The following LINGO2 variants were observed in gnomAD, a reference collection of about 807,000 sequenced individuals.
LINGO2 encodes the protein leucine rich repeat and Ig domain containing 2, also known as leucine-rich repeat and immunoglobulin-like domain-containing nogo receptor-interacting protein 2.
In LINGO2, 14 loss-of-function variants were observed where a neutral mutation model predicts 30.6. That is an observed-to-expected ratio of 0.46 (90% CI 0.30 to 0.72). LINGO2 has a LOEUF of 0.72. Among genes scored for constraint, LINGO2 ranks in the 30% least tolerant of loss-of-function variants. LINGO2 has a pLI of 0.07. For missense variants in LINGO2, 729 were observed against 751.7 expected, an observed-to-expected ratio of 0.97 and a Z score of 0.35; for synonymous variants, 317 against 288.5, an observed-to-expected ratio of 1.10 and a Z score of -1.00.
chr9:28,434,080 T>A (rs1012498776), intron 2 of LINGO2, among the ~76,000 whole-genome samples: 1 of 151,690 alleles, frequency 6.6e-6, no homozygotes, highest in Non-Finnish European at 1.5e-5. Context: ...GCCATTATTC[T>A]AAGTGAAGTA....
the LINGO2 span, chr9:28,863,631 C>T: frequency 4.1e-6 from 2 of 486,076 alleles, no homozygotes; most frequent in Non-Finnish European, 8.5e-6. Context: ...ACCTGTGAAG[C>T]ACTATGAATT....
chr9:28,349,259 TA>T (rs1353993266), intron 3 of LINGO2, among the ~76,000 whole-genome samples: 2 of 149,920 alleles, frequency 1.3e-5, no homozygotes, highest in Non-Finnish European at 3.0e-5. Flanking sequence ...GAAAAAAATT[TA>T]GAAGAATGTA....
chr9:29,149,290 A>C, the LINGO2 span, among the ~76,000 whole-genome samples: 7 of 152,168 alleles, frequency 4.6e-5, no homozygotes, highest in South Asian at 1.5e-3. Context: ...GACATTCAAG[A>C]CCAGCCTGGG....
intron 4 of LINGO2, among the ~76,000 whole-genome samples, chr9:28,135,754 A>G (rs2133465927): frequency 6.6e-6 from 1 of 152,182 alleles, no homozygotes; most frequent in Non-Finnish European, 1.5e-5. Context: ...CCTGCAGCTG[A>G]TGAGTCTGAA....
chr9:28,093,312 G>A (rs1826151627), intron 4 of LINGO2, among the ~76,000 whole-genome samples: 1 of 152,106 alleles, frequency 6.6e-6, no homozygotes, highest in South Asian at 2.1e-4. Flanking sequence ...TCATTACCAA[G>A]AGCATTAGTG....
At chr9:28,924,620 T>C in the LINGO2 span, among the ~76,000 whole-genome samples, 1 of 152,296 alleles carries the variant, frequency 6.6e-6, no homozygotes, top group Admixed American at 6.5e-5. Flanking sequence ...TTCCATACAG[T>C]TGTCCCAACT....
intron 4 of LINGO2, among the ~76,000 whole-genome samples, chr9:28,159,871 AC>A (rs1306913569): frequency 6.6e-6 from 1 of 152,118 alleles, no homozygotes. Flanking sequence ...GCAACCTATT[AC>A]CCACAGGTAG....
intron 4 of LINGO2, among the ~76,000 whole-genome samples, chr9:28,251,498 T>C (rs1043735417): frequency 2.6e-5 from 4 of 152,172 alleles, no homozygotes; most frequent in Non-Finnish European, 4.4e-5. Context: ...GGATTAGTTG[T>C]CATTTATCCT....
chr9:28,961,233 T>G, the LINGO2 span, among the ~76,000 whole-genome samples: 1 of 152,156 alleles, frequency 6.6e-6, no homozygotes, highest in Non-Finnish European at 1.5e-5. Context: ...CACATAGGTT[T>G]GCCTTCCCCT....
chr9:28,997,827 A>C, the LINGO2 span, among the ~76,000 whole-genome samples: 54 of 124,392 alleles, frequency 4.3e-4, no homozygotes, highest in African/African-American at 1.0e-3. Context: ...TGTCTCAAAA[A>C]AAAACAAAAC....
chr9:28,610,724 A>G (rs757134048), intron 1 of LINGO2, among the ~76,000 whole-genome samples: 16 of 152,284 alleles, frequency 1.1e-4, no homozygotes, highest in Non-Finnish European at 1.5e-4. Flanking sequence ...CCAGGCTCAG[A>G]TATTTTGGTA....
chr9:27,946,443 T>G (rs1044117151), downstream of LINGO2, among the ~76,000 whole-genome samples: 3 of 152,164 alleles, frequency 2.0e-5, no homozygotes, highest in Non-Finnish European at 4.4e-5. Context: ...GATGGGTACA[T>G]TTTAATCCAA....
chr9:28,678,161 T>C, the LINGO2 span, among the ~76,000 whole-genome samples: 52 of 145,464 alleles, frequency 3.6e-4, no homozygotes, highest in Middle Eastern at 7.2e-3. Flanking sequence ...AAAAAAAAAC[T>C]TTATTTTTTT....
chr9:28,418,996 C>T (rs1171893129), intron 2 of LINGO2, among the ~76,000 whole-genome samples: 2 of 152,064 alleles, frequency 1.3e-5, no homozygotes, highest in Non-Finnish European at 2.9e-5. Context: ...AAGTCATTTT[C>T]TAATTTTGAT....
downstream of LINGO2, among the ~76,000 whole-genome samples, chr9:27,947,446 G>A (rs888886825): frequency 2.0e-5 from 3 of 151,854 alleles, no homozygotes; most frequent in South Asian, 4.1e-4. Context: ...TTCCTCAGTG[G>A]AGAAAAAAAA....
intron 3 of LINGO2, among the ~76,000 whole-genome samples, chr9:28,299,915 T>A (rs183926234): frequency 6.6e-5 from 10 of 152,270 alleles, no homozygotes; most frequent in African/African-American, 2.4e-4. Flanking sequence ...CACCACTTTC[T>A]TACCCAGCTT....
At chr9:28,559,188 T>C (rs936479311) in intron 1 of LINGO2, among the ~76,000 whole-genome samples, 3 of 152,150 alleles carry the variant, frequency 2.0e-5, no homozygotes, top group African/African-American at 7.2e-5. Context: ...TTGTGAGTAT[T>C]TGATCTTGCA....
At chr9:28,789,235 T>C in the LINGO2 span, among the ~76,000 whole-genome samples, 1 of 152,294 alleles carries the variant, frequency 6.6e-6, no homozygotes, top group East Asian at 1.9e-4. Context: ...AAGTATCTAA[T>C]TAAAATAATC....
the LINGO2 span, among the ~76,000 whole-genome samples, chr9:29,090,458 A>G: frequency 6.6e-6 from 1 of 152,070 alleles, no homozygotes; most frequent in Admixed American, 6.6e-5. Flanking sequence ...TCATCTCTCT[A>G]AGTCTCCTAA....
Sources: gnomAD v4.1 joint callset for allele counts (sites outside exome capture counted in the v4.1 genomes callset) on GRCh38, gnomAD v4.1.1 for gene constraint, MANE v1.5 for transcripts, NCBI Gene and HGNC (gene_info 2026-07-23, HGNC 2026-07-21) for gene names.